The following DLGAP2 variants were observed in gnomAD, a reference collection of about 807,000 sequenced individuals.
The protein encoded by DLGAP2 is disks large-associated protein 2.
DLGAP2 carries 26 observed loss-of-function variants against 100.3 expected under a neutral mutation model. That is an observed-to-expected ratio of 0.26 (90% confidence interval 0.19 to 0.36). The LOEUF is 0.36. DLGAP2 is among the 10% of genes least tolerant of loss of function. The pLI, the probability that DLGAP2 is intolerant of heterozygous loss-of-function variation, is 1.00. For synonymous variants in DLGAP2, 886 were observed against 630.1 expected (o/e 1.41, Z -6.08); for missense variants, 1,858 against 1,453.2 (o/e 1.28, Z -4.53).
chr8:830,609 A>G (rs1419628193), intron 1 of DLGAP2, among the ~76,000 whole-genome samples: 4 of 152,198 alleles, frequency 2.6e-5, no homozygotes, highest in African/African-American at 9.6e-5. Flanking sequence ...TACGGGTGCT[A>G]CTGAGTATGT....
intron 3 of DLGAP2, among the ~76,000 whole-genome samples, chr8:1,405,393 CA>C (rs1563126800): frequency 2.6e-4 from 5 of 19,294 alleles, no homozygotes; most frequent in Admixed American, 8.2e-4. Context: ...CCTCGTCCTC[CA>C]GAGTCGTGTA....
Position 1,467,554 on chromosome 8 carries a change from T to G in DLGAP2, c.107-33812T>G, listed in dbSNP as rs184176124. Among the ~76,000 whole-genome samples the G allele has an allele frequency of 1.0e-3, 159 of 152,036 alleles. 2 individuals are homozygous for G. Among genetic ancestry groups the G allele is most frequent in the African/African-American group, 3.5e-3 (147 of 41,482 alleles). ...CCAGCACAAGCTGGCGTTTGCTGAG[T>G]GGATGGGAGACCACGGGCATTTGGT... is the stretch of plus-strand genomic sequence containing the variant. On this transcript the variant is annotated intron_variant, in intron 3 of 14. Coordinates refer to ENST00000637795, the MANE Select transcript of DLGAP2 (RefSeq NM_001346810.2).
intron 3 of DLGAP2, among the ~76,000 whole-genome samples, chr8:1,452,221 C>T (rs1798181918): frequency 6.8e-6 from 1 of 147,836 alleles, no homozygotes; most frequent in African/African-American, 2.7e-5. Context: ...TGTTCTGTGG[C>T]TGGGTGTTCT....
chr8:1,363,973 G>A (rs976723165), intron 3 of DLGAP2, among the ~76,000 whole-genome samples: 2 of 152,186 alleles, frequency 1.3e-5, no homozygotes, highest in African/African-American at 2.4e-5. Flanking sequence ...GAGTCAGGAT[G>A]CCTCCCCAGC....
chr8:1,429,777 G>T (rs767289090), intron 3 of DLGAP2, among the ~76,000 whole-genome samples: 5 of 151,054 alleles, frequency 3.3e-5, no homozygotes, highest in South Asian at 2.1e-4. Context: ...AGGATATTCA[G>T]TGCATGCTTC....
chr8:1,661,083 G>A (rs749967963), intron 8 of DLGAP2, among the ~76,000 whole-genome samples: 4 of 152,204 alleles, frequency 2.6e-5, no homozygotes, highest in Admixed American at 6.5e-5. Flanking sequence ...GCAGTGACTG[G>A]CAGTTCACAA....
intron 2 of DLGAP2, among the ~76,000 whole-genome samples, chr8:1,164,770 T>C (rs957032542): frequency 1.3e-5 from 2 of 152,146 alleles, no homozygotes; most frequent in African/African-American, 4.8e-5. Context: ...GAAAAGTCAT[T>C]CTTTCAGAGA....
intron 3 of DLGAP2, among the ~76,000 whole-genome samples, chr8:1,382,124 A>C (rs1796111835): frequency 6.6e-6 from 1 of 152,254 alleles, no homozygotes; most frequent in South Asian, 2.1e-4. Flanking sequence ...TGTTAACCAG[A>C]AGCCTAAGCA....
At chr8:786,984 GA>G (rs1390161030) in intron 1 of DLGAP2, among the ~76,000 whole-genome samples, 1 of 152,182 alleles carries the variant, frequency 6.6e-6, no homozygotes, top group African/African-American at 2.4e-5. Flanking sequence ...GGTCCTGTCA[GA>G]TTCTAACCAG....
chr8:1,629,382 C>G (rs1797588502), intron 7 of DLGAP2, among the ~76,000 whole-genome samples: 1 of 152,224 alleles, frequency 6.6e-6, no homozygotes, highest in Non-Finnish European at 1.5e-5. Flanking sequence ...CGCTCAAGTC[C>G]TGGGCAAATG....
chr8:798,973 G>C (rs1261333627), intron 1 of DLGAP2, among the ~76,000 whole-genome samples: 3 of 152,260 alleles, frequency 2.0e-5, no homozygotes, highest in Admixed American at 1.3e-4. Context: ...GAATCTTGGA[G>C]TGTTTTTGTG....
chr8:1,182,057 G>C (rs1004686094), intron 2 of DLGAP2, among the ~76,000 whole-genome samples: 1 of 152,240 alleles, frequency 6.6e-6, no homozygotes, highest in Non-Finnish European at 1.5e-5. Flanking sequence ...GTGCGTAAGA[G>C]CCATGTGCCT....
chr8:1,259,138 C>T (rs1022177001), intron 3 of DLGAP2, among the ~76,000 whole-genome samples: 3 of 152,198 alleles, frequency 2.0e-5, no homozygotes, highest in Non-Finnish European at 4.4e-5. Context: ...TTTGTTTGTT[C>T]TGGATTGACA....
chr8:1,190,971 T>G (rs879870790), intron 2 of DLGAP2, among the ~76,000 whole-genome samples: 2 of 151,356 alleles, frequency 1.3e-5, no homozygotes, highest in Non-Finnish European at 2.9e-5. Flanking sequence ...GCGAGGGGGG[T>G]GGGTGAGGCT....
chr8:1,508,747 G>T (rs1289904980), intron 4 of DLGAP2, among the ~76,000 whole-genome samples: 2 of 151,138 alleles, frequency 1.3e-5, no homozygotes, highest in African/African-American at 4.9e-5. Flanking sequence ...CCCGCAGGAG[G>T]CGCTGACGGC....
chr8:1,573,424 G>A (rs914946906), intron 6 of DLGAP2, among the ~76,000 whole-genome samples: 2 of 150,344 alleles, frequency 1.3e-5, no homozygotes, highest in Non-Finnish European at 3.0e-5. Context: ...TGATGAGATG[G>A]AGAGGAGAGA....
intron 3 of DLGAP2, among the ~76,000 whole-genome samples, chr8:1,438,641 C>T (rs1283712697): frequency 3.9e-5 from 6 of 152,074 alleles, no homozygotes; most frequent in Admixed American, 6.5e-5. Flanking sequence ...GAGAAAAAGC[C>T]GGGCAACACT....
At chr8:1,484,025 T>C (rs1427521659) in intron 3 of DLGAP2, among the ~76,000 whole-genome samples, 1 of 152,224 alleles carries the variant, frequency 6.6e-6, no homozygotes, top group Non-Finnish European at 1.5e-5. Flanking sequence ...CAAACACTGT[T>C]CTAGGAAGAG....
At chr8:1,053,523 G>C (rs1585017066) in intron 2 of DLGAP2, among the ~76,000 whole-genome samples, 1 of 152,090 alleles carries the variant, frequency 6.6e-6, no homozygotes, top group African/African-American at 2.4e-5. Flanking sequence ...CCTGGGAAGT[G>C]AAATGTGTGC....
Sources: gnomAD v4.1 joint callset for allele counts (sites outside exome capture counted in the v4.1 genomes callset) on GRCh38, gnomAD v4.1.1 for gene constraint, MANE v1.5 for transcripts, NCBI Gene and HGNC (gene_info 2026-07-23, HGNC 2026-07-21) for gene names.